NAV3: variants seen among roughly 807,000 people sequenced by gnomAD.
NAV3 encodes pore membrane and/or filament interacting like protein 1.
A neutral mutation model predicts 244.7 loss-of-function variants in NAV3; 87 were observed. That is an observed-to-expected ratio of 0.36 (90% CI 0.30 to 0.42). NAV3 has a LOEUF of 0.42. Ranked by LOEUF, NAV3 falls within the 20% of genes least tolerant of loss-of-function variation. The probability of loss-of-function intolerance (pLI) is 1.00; values close to 1 mark genes in which losing one functional copy is unlikely to be tolerated. For missense variants in NAV3, 2,663 were observed against 2,893.3 expected, an observed-to-expected ratio of 0.92 and a Z score of 1.83; for synonymous variants, 1,126 against 1,042.2, an observed-to-expected ratio of 1.08 and a Z score of -1.55.
chr12:77,752,320 T>A (rs1421516487), intron 2 of NAV3, among the ~76,000 whole-genome samples: 1 of 152,172 alleles, frequency 6.6e-6, no homozygotes, highest in African/African-American at 2.4e-5. Flanking sequence ...TGACATTTTC[T>A]AAAGGGATCT....
At chr12:78,137,014 A>T (rs1956401593) in intron 18 of NAV3, among the ~76,000 whole-genome samples, 163 bp from the exon 19 acceptor site, 1 of 152,244 alleles carries the variant, frequency 6.6e-6, no homozygotes, top group South Asian at 2.1e-4. Flanking sequence ...ACGCAATGGG[A>T]TCTGTTATTG....
chr12:78,160,215 T>G (rs905210520), intron 23 of NAV3, among the ~76,000 whole-genome samples: 1 of 152,094 alleles, frequency 6.6e-6, no homozygotes, highest in Non-Finnish European at 1.5e-5. Context: ...GAACGGAGAA[T>G]TTAGTTCACG....
chr12:78,027,318 A>T (rs968336194), intron 9 of NAV3, among the ~76,000 whole-genome samples: 1 of 152,014 alleles, frequency 6.6e-6, no homozygotes. Context: ...TGTGTAGCAC[A>T]TGTGTAGTCC....
intron 9 of NAV3, among the ~76,000 whole-genome samples, chr12:78,047,925 T>C (rs564580125): frequency 6.6e-6 from 1 of 152,330 alleles, no homozygotes; most frequent in East Asian, 1.9e-4. Context: ...CTTTTTTCTC[T>C]AATCTTGTCT....
chr12:77,587,293 A>G (rs775268224), intron 2 of NAV3, among the ~76,000 whole-genome samples: 16 of 152,210 alleles, frequency 1.1e-4, no homozygotes, highest in Non-Finnish European at 2.2e-4. Flanking sequence ...CCAATAAATT[A>G]GTATCAGGAC....
intron 8 of NAV3, among the ~76,000 whole-genome samples, chr12:78,017,062 T>A (rs751322381): frequency 5.9e-5 from 9 of 152,244 alleles, no homozygotes; most frequent in Middle Eastern, 3.4e-3. Context: ...TGGTTAAGCA[T>A]CTACTAGATT....
At chr12:78,116,968 A>G (rs1955414015) in intron 13 of NAV3, 64 bp downstream of exon 13, 4 of 1,571,106 alleles carry the variant, frequency 2.5e-6, no homozygotes, top group Non-Finnish European at 3.5e-6. Flanking sequence ...ATTACTTAAT[A>G]TTAGATTAAG....
At chr12:77,607,131 A>G (rs1481276897) in intron 2 of NAV3, among the ~76,000 whole-genome samples, 1 of 152,144 alleles carries the variant, frequency 6.6e-6, no homozygotes, top group African/African-American at 2.4e-5. Flanking sequence ...TCTGAAAAAT[A>G]CTGCCCTTTA....
chr12:77,614,744 C>A (rs1871081865), intron 2 of NAV3, among the ~76,000 whole-genome samples: 1 of 152,134 alleles, frequency 6.6e-6, no homozygotes, highest in Non-Finnish European at 1.5e-5. Flanking sequence ...AAACTATGTG[C>A]TTTCACATAC....
At chr12:77,846,126 A>G (rs1405507491) in intron 1 of NAV3, among the ~76,000 whole-genome samples, 8 of 152,166 alleles carry the variant, frequency 5.3e-5, no homozygotes, top group Non-Finnish European at 1.0e-4. Flanking sequence ...AATTCACTCA[A>G]GAGTTGATAA....
At chr12:77,859,394 G>C (rs1017988758) in intron 1 of NAV3, among the ~76,000 whole-genome samples, 2 of 151,942 alleles carry the variant, frequency 1.3e-5, no homozygotes, top group African/African-American at 4.8e-5. Flanking sequence ...TTTTGTCTAA[G>C]AGAAATATAT....
At chr12:77,884,112 A>G (rs988729927) in intron 1 of NAV3, among the ~76,000 whole-genome samples, 3 of 152,134 alleles carry the variant, frequency 2.0e-5, no homozygotes, top group Non-Finnish European at 4.4e-5. Context: ...TAATAACTGG[A>G]TGATCTTTAG....
intron 3 of NAV3, among the ~76,000 whole-genome samples, chr12:77,953,136 A>G (rs1476515628): frequency 1.3e-5 from 2 of 152,172 alleles, no homozygotes; most frequent in Non-Finnish European, 2.9e-5. Context: ...ATCATCTATA[A>G]CTGATACAAA....
chr12:77,933,929 T>A (rs965638711), intron 1 of NAV3, among the ~76,000 whole-genome samples: 1 of 152,222 alleles, frequency 6.6e-6, no homozygotes, highest in African/African-American at 2.4e-5. Flanking sequence ...AATTTTTGAG[T>A]CTTAAAACTG....
rs2136565533 is a variant in NAV3, at chr12:78,006,680, A to T, written c.1142A>T (p.Gln381Leu). The change falls in exon 8 of 40, where the codon CAG becomes CTG. Residue 381 changes from glutamine to leucine, a missense_variant. Physicochemically the swap from Gln to Leu is moderately radical, Grantham distance 113. This residue lies in a region of NAV3 where 1,521 missense variants were observed against 1,497.0 expected (regional missense o/e 1.02). Transcript: ENST00000397909. ...GGGGTCAAAACTGCTCCCTCAGGACAGAAATCCATGCTTGAGAAATTCAAG... is the reference window on the plus strand; with the variant it reads ...GGGGTCAAAACTGCTCCCTCAGGACTGAAATCCATGCTTGAGAAATTCAAG... ...SEGVKTAPSG[Q>L]KSMLEKFKLV... 6.2e-7 allele frequency: 1 copy of T among 1,614,212 alleles called. No homozygotes were observed. The highest frequency in any genetic ancestry group is 2.2e-5 in the East Asian group (1 of 44,864).
chr12:77,696,661 T>G (rs1875314606), intron 2 of NAV3, among the ~76,000 whole-genome samples: 1 of 152,152 alleles, frequency 6.6e-6, no homozygotes, highest in Non-Finnish European at 1.5e-5. Context: ...CACATATAAC[T>G]AATATACCAG....
intron 1 of NAV3, among the ~76,000 whole-genome samples, chr12:77,852,619 G>C (rs1877722959): frequency 6.6e-6 from 1 of 152,096 alleles, no homozygotes; most frequent in Admixed American, 6.5e-5. Flanking sequence ...TGCATTATAA[G>C]TTTGTGAAAA....
intron 9 of NAV3, among the ~76,000 whole-genome samples, chr12:78,040,137 C>A (rs548718570): frequency 1.3e-5 from 2 of 152,244 alleles, no homozygotes; most frequent in South Asian, 2.1e-4. Context: ...TAAGACCATG[C>A]AATCAGTCCT....
At position 77,686,504 on chromosome 12, in the gene NAV3, T is replaced by C. The variant is rs146032631; in HGVS notation, c.72+114238T>C. On this transcript the variant is annotated intron_variant, in intron 2 of 8. Transcript: ENST00000550042. The stretch of plus-strand genomic sequence containing the variant: ...CGTAGTTTGGCTCTGTTTAAAAAAT[T>C]GTTTTATACTTTTCCTATATATGTA... Among the ~76,000 whole-genome samples, 1,142 of 151,730 alleles carry C rather than the reference T, an allele frequency of 7.5e-3. 4 individuals carry two copies. The highest frequency in any genetic ancestry group is 0.017 in the Middle Eastern group (5 of 294).
Sources: gnomAD v4.1 joint callset for allele counts (sites outside exome capture counted in the v4.1 genomes callset) on GRCh38, gnomAD v4.1.1 for gene constraint, gnomAD v4.1.1 regional missense constraint, MANE v1.5 for transcripts, NCBI Gene and HGNC (gene_info 2026-07-23, HGNC 2026-07-21) for gene names.